Variants in HDAC4 observed in about 807,000 individuals in gnomAD.
HDAC4 encodes the protein histone deacetylase A.
In HDAC4, 16 loss-of-function variants were observed where a neutral mutation model predicts 135.1. That is an observed-to-expected ratio of 0.12 (90% CI 0.08 to 0.18). The LOEUF (loss-of-function observed/expected upper bound fraction) is 0.18, where lower values mean the gene tolerates loss of function less well. Ranked by LOEUF, HDAC4 falls within the 10% of genes least tolerant of loss-of-function variation. The pLI is 1.00. For synonymous variants in HDAC4, 685 were observed against 653.4 expected, an observed-to-expected ratio of 1.05 and a Z score of -0.74; for missense variants, 1,143 against 1,511.8, an observed-to-expected ratio of 0.76 and a Z score of 4.05.
At chr2:239,149,264 GGTA>G (rs1376084415) in intron 7 of HDAC4, among the ~76,000 whole-genome samples, 55 of 151,994 alleles carry the variant, frequency 3.6e-4, no homozygotes, top group African/African-American at 1.3e-3. Flanking sequence ...AGCCAGGTGT[GGTA>G]GTGGCACCTG....
intron 2 of HDAC4, among the ~76,000 whole-genome samples, chr2:239,295,179 C>A (rs1240555144): frequency 6.7e-6 from 1 of 149,518 alleles, no homozygotes; most frequent in Non-Finnish European, 1.5e-5. Flanking sequence ...TAGTGGCGGG[C>A]GCCTGTAGTC....
At chr2:239,090,771 A>T (rs2036439023) in intron 17 of HDAC4, among the ~76,000 whole-genome samples, 1 of 152,222 alleles carries the variant, frequency 6.6e-6, no homozygotes, top group African/African-American at 2.4e-5. Flanking sequence ...TACAATGCAA[A>T]TATTCCAAAA....
Position 239,163,907 on chromosome 2 carries a change from T to C in HDAC4, c.507A>G (p.Thr169=), listed in dbSNP as rs766664931. 18 of 1,613,976 alleles carry C rather than the reference T, an allele frequency of 1.1e-5. No homozygotes were observed. Among genetic ancestry groups the C allele is most frequent in the Admixed American group, 1.7e-5 (1 of 60,006 alleles). The change falls in exon 6 of 27, where the codon ACA becomes ACG. Residue 169 remains threonine, a synonymous_variant. Coordinates refer to ENST00000543185, the MANE Select transcript of HDAC4 (RefSeq NM_001378414.1). ...EKGKESAVAS[T]EVKMKLQEFV... ...ATTCTTGTAACTTCATCTTCACTTC[T>C]GTGCTGGCCACGGCACCTGGCGTGG...
chr2:239,230,469 C>T (rs1275509440), intron 3 of HDAC4, among the ~76,000 whole-genome samples: 4 of 151,722 alleles, frequency 2.6e-5, no homozygotes, highest in Admixed American at 6.6e-5. Context: ...CTGCCGAGTC[C>T]GTGGGCCGGA....
In HDAC4 at chr2:239,134,635, C is replaced by T. The variant is rs758841177; in HGVS notation, c.987G>A (p.Leu329=). 2.5e-6 allele frequency: 4 copies of T among 1,613,250 alleles called. No homozygotes were observed. In the South Asian group the frequency reaches 4.4e-5, roughly 18 times the overall value. ...CTTCTCGTGCCACAAGTCTGTGCGC[C>T]AAACTCGTCTGGGGACAGAACACAC... ...AVPSIPAETS[L]AHRLVAREGS... Residue 329 remains leucine, a synonymous_variant, in exon 10 of 27, where the codon TTG becomes TTA. Coordinates refer to ENST00000543185, the MANE Select transcript of HDAC4 (RefSeq NM_001378414.1).
chr2:239,283,375 C>T (rs1053158159), intron 2 of HDAC4, among the ~76,000 whole-genome samples: 4 of 152,222 alleles, frequency 2.6e-5, no homozygotes, highest in African/African-American at 7.2e-5. Context: ...ACAGGAGCTG[C>T]GGGGCTCCTC....
chr2:239,201,694 G>T (rs911910175), intron 3 of HDAC4, among the ~76,000 whole-genome samples: 4 of 152,202 alleles, frequency 2.6e-5, no homozygotes, highest in East Asian at 1.9e-4. Flanking sequence ...AACAGGTGAC[G>T]AGAGGGGAAG....
intron 2 of HDAC4, among the ~76,000 whole-genome samples, chr2:239,269,301 A>C (rs1278265581): frequency 1.3e-5 from 2 of 151,842 alleles, no homozygotes; most frequent in Non-Finnish European, 2.9e-5. Flanking sequence ...ACACCCACAC[A>C]CATTCACACA....
rs1470036691 is a variant in HDAC4, at chr2:239,139,099, G to A, written c.978+585C>T. Among the ~76,000 whole-genome samples, 1 of 152,240 alleles carries A rather than the reference G, an allele frequency of 6.6e-6. No individual in the cohort carries two copies. Among genetic ancestry groups the A allele is most frequent in the East Asian group, 1.9e-4 (1 of 5,202 alleles). ...AGGGGTGCTGAGCTCTGCGGTCTGAGATGCCTGGTTCCCGTGATGCCTGGA... is the reference window on the plus strand; with the variant it reads ...AGGGGTGCTGAGCTCTGCGGTCTGAAATGCCTGGTTCCCGTGATGCCTGGA... On this transcript the variant is annotated intron_variant, in intron 9 of 26. Transcript: ENST00000543185. This position sits in a 1 kb window ranked among gnomAD's most constrained non-coding sequence, Gnocchi z 5.3.
intron 13 of HDAC4, among the ~76,000 whole-genome samples, chr2:239,113,729 C>G (rs778143288): frequency 6.6e-6 from 1 of 152,104 alleles, no homozygotes; most frequent in Admixed American, 6.5e-5. Flanking sequence ...TTACAAGGCC[C>G]GACCACAGGA....
chr2:239,383,674 C>T (rs538506556), intron 1 of HDAC4, among the ~76,000 whole-genome samples: 11 of 152,274 alleles, frequency 7.2e-5, no homozygotes, highest in African/African-American at 2.2e-4. Flanking sequence ...AGCGCGGCAA[C>T]GACACCGCCT....
chr2:239,291,383 G>A (rs943368119), intron 2 of HDAC4, among the ~76,000 whole-genome samples: 15 of 152,214 alleles, frequency 9.9e-5, no homozygotes, highest in Non-Finnish European at 4.4e-5. Flanking sequence ...TACATGGCCT[G>A]GGCTGAGAGC....
intron 16 of HDAC4, among the ~76,000 whole-genome samples, chr2:239,095,803 T>A (rs2036967791): frequency 6.6e-6 from 1 of 152,162 alleles, no homozygotes. Context: ...TTAAAACCCA[T>A]CTGTGGAGGA....
intron 2 of HDAC4, among the ~76,000 whole-genome samples, chr2:239,326,232 C>A (rs1161811738): frequency 6.6e-6 from 1 of 151,992 alleles, no homozygotes; most frequent in East Asian, 1.9e-4. Context: ...ACGAGTGAAC[C>A]CTGACACATT....
In HDAC4 at chr2:239,306,568, A is replaced by T. The variant is rs6543523; in HGVS notation, c.22+46110T>A. Among the ~76,000 whole-genome samples the T allele has an allele frequency of 6.6e-6, 1 of 151,952 alleles. No individual in the cohort carries two copies. Among genetic ancestry groups the T allele is most frequent in the South Asian group, 2.1e-4 (1 of 4,836 alleles). ...ACCTTTCCCGGTCATGATACAAAACATAAGCTGGAAAGGGTGCTCTTCACC... is the reference window on the plus strand; with the variant it reads ...ACCTTTCCCGGTCATGATACAAAACTTAAGCTGGAAAGGGTGCTCTTCACC... On this transcript the variant is annotated intron_variant, in intron 2 of 26. Transcript: ENST00000543185. This position sits in a 1 kb window ranked among gnomAD's most constrained non-coding sequence, Gnocchi z 4.5.
At position 239,120,285 on chromosome 2, in the gene HDAC4, T is replaced by G. The variant is rs77775338; in HGVS notation, c.1534-4975A>C. The stretch of plus-strand genomic sequence containing the variant: ...AGCTGGGGAGCTGAAGAAACAGGGA[T>G]GAGGCCTCAGGGACCAGTGGTAGGG... On this transcript the variant is annotated intron_variant, in intron 12 of 26. Transcript: ENST00000543185. 9.2e-3 allele frequency among the ~76,000 whole-genome samples: 1,402 copies of G among 152,006 alleles called. 27 individuals carry two copies. Among genetic ancestry groups the G allele is most frequent in the African/African-American group, 0.032 (1,329 of 41,444 alleles).
At chr2:239,071,078 T>C (rs1164159124) in intron 22 of HDAC4, among the ~76,000 whole-genome samples, 1 of 151,928 alleles carries the variant, frequency 6.6e-6, no homozygotes, top group Non-Finnish European at 1.5e-5. Context: ...TTTTCTAGTT[T>C]AATGGAGTGA....
At chr2:239,180,304 T>C (rs745989923) in intron 4 of HDAC4, among the ~76,000 whole-genome samples, 6 of 152,086 alleles carry the variant, frequency 3.9e-5, no homozygotes, top group Non-Finnish European at 7.4e-5. Context: ...AGCCCTTTCA[T>C]GGTCACAGGC....
intron 6 of HDAC4, among the ~76,000 whole-genome samples, chr2:239,159,430 C>T (rs2042643671): frequency 6.8e-6 from 1 of 147,422 alleles, no homozygotes; most frequent in South Asian, 2.2e-4. Flanking sequence ...CAAACTCATG[C>T]CTACCTCCCG....
Sources: allele counts gnomAD v4.1 joint callset (sites outside exome capture counted in the v4.1 genomes callset), GRCh38; gene constraint gnomAD v4.1.1; non-coding constraint Gnocchi (gnomAD v3.1); transcripts MANE v1.5; gene names NCBI Gene and HGNC (gene_info 2026-07-23, HGNC 2026-07-21).